The following RANBP2 variants were observed in gnomAD, a reference collection of about 807,000 sequenced individuals.
The protein encoded by RANBP2 is RAN binding protein 2.
Under a neutral mutation model 303.6 loss-of-function variants are expected in RANBP2, and 57 were observed. The observed-to-expected ratio is 0.19, with a 90% CI of 0.15 to 0.23. The LOEUF (loss-of-function observed/expected upper bound fraction) is 0.23, where lower values mean the gene tolerates loss of function less well. Ranked by LOEUF, RANBP2 falls within the 10% of genes least tolerant of loss-of-function variation. The pLI is 1.00. For missense variants in RANBP2, 3,138 were observed against 3,780.8 expected (o/e 0.83, Z 4.46); for synonymous variants, 1,167 against 1,301.5 (o/e 0.90, Z 2.23).
chr2:109,224,522 G>A, the RANBP2 span, among the ~76,000 whole-genome samples: 3 of 152,174 alleles, frequency 2.0e-5, no homozygotes, highest in Admixed American at 6.5e-5. Context: ...GGTGACTACT[G>A]AGCTCATGAA....
the RANBP2 span, chr2:109,616,159 A>G: frequency 7.1e-7 from 1 of 1,402,834 alleles, no homozygotes; most frequent in Non-Finnish European, 9.3e-7. Context: ...AGGACAAGCT[A>G]AATTATGCAT....
At chr2:109,161,102 A>G in the RANBP2 span, among the ~76,000 whole-genome samples, 32 of 152,200 alleles carry the variant, frequency 2.1e-4, no homozygotes, top group Non-Finnish European at 3.7e-4. Context: ...CATTTAGAAG[A>G]GAAGCCGTTT....
the RANBP2 span, among the ~76,000 whole-genome samples, chr2:109,107,617 TC>T: frequency 6.6e-6 from 1 of 152,192 alleles, no homozygotes; most frequent in African/African-American, 2.4e-5. Context: ...GAAGCCATGG[TC>T]CTAATGGCTC....
At chr2:108,824,406 C>A in the RANBP2 span, among the ~76,000 whole-genome samples, 1 of 152,028 alleles carries the variant, frequency 6.6e-6, no homozygotes, top group Non-Finnish European at 1.5e-5. Context: ...AACTAAGACA[C>A]AAACGCACAT....
the RANBP2 span, among the ~76,000 whole-genome samples, chr2:108,814,798 G>T: frequency 6.6e-6 from 1 of 151,546 alleles, no homozygotes; most frequent in Non-Finnish European, 1.5e-5. Flanking sequence ...ACCACGCCTG[G>T]CTAATTTTTA....
At chr2:108,839,361 C>G in the RANBP2 span, 1 of 1,351,364 alleles carries the variant, frequency 7.4e-7, no homozygotes, top group Non-Finnish European at 1.0e-6. Flanking sequence ...ACTTCTTGAT[C>G]TTGTTTCACA....
chr2:109,125,256 T>A, the RANBP2 span, among the ~76,000 whole-genome samples: 1 of 152,180 alleles, frequency 6.6e-6, no homozygotes. Context: ...GAGGGGCAGC[T>A]TTTGACTAGC....
the RANBP2 span, among the ~76,000 whole-genome samples, chr2:108,828,816 A>G: frequency 1.3e-5 from 2 of 152,076 alleles, no homozygotes; most frequent in Middle Eastern, 3.2e-3. Flanking sequence ...ATCTGTACTA[A>G]AAATACCAAA....
At chr2:109,107,299 A>G in the RANBP2 span, among the ~76,000 whole-genome samples, 4 of 151,472 alleles carry the variant, frequency 2.6e-5, no homozygotes, top group Non-Finnish European at 5.9e-5. Context: ...GAAGAGTATG[A>G]CCCACACGCT....
the RANBP2 span, chr2:109,251,794 AC>A: frequency 1.9e-6 from 1 of 513,634 alleles, no homozygotes. Flanking sequence ...ATTAGATAAT[AC>A]TAAAAAATAC....
At chr2:109,324,918 C>A in the RANBP2 span, among the ~76,000 whole-genome samples, 1 of 152,226 alleles carries the variant, frequency 6.6e-6, no homozygotes, top group African/African-American at 2.4e-5. Flanking sequence ...CCCAAACCCT[C>A]TCCTCTTGCC....
chr2:109,464,454 A>G, the RANBP2 span, among the ~76,000 whole-genome samples: 4 of 152,024 alleles, frequency 2.6e-5, no homozygotes, highest in South Asian at 4.1e-4. Flanking sequence ...CATATAAAAT[A>G]CATGTGCACA....
At chr2:109,123,350 C>G in the RANBP2 span, among the ~76,000 whole-genome samples, 3 of 150,996 alleles carry the variant, frequency 2.0e-5, no homozygotes, top group Non-Finnish European at 4.4e-5. Flanking sequence ...TTCCTTCCTT[C>G]CTTCCTTCCT....
the RANBP2 span, among the ~76,000 whole-genome samples, chr2:109,450,322 G>A: frequency 6.6e-6 from 1 of 151,476 alleles, no homozygotes; most frequent in Non-Finnish European, 1.5e-5. Context: ...CTCCAGCCTG[G>A]GCAACAGAGC....
chr2:109,005,567 G>A, the RANBP2 span, among the ~76,000 whole-genome samples: 1 of 152,212 alleles, frequency 6.6e-6, no homozygotes, highest in Non-Finnish European at 1.5e-5. Flanking sequence ...GTCGCAGTGT[G>A]CAACACTCTC....
At chr2:109,577,305 T>C in the RANBP2 span, among the ~76,000 whole-genome samples, 2 of 152,206 alleles carry the variant, frequency 1.3e-5, no homozygotes, top group African/African-American at 2.4e-5. Context: ...AGTTAAAAAA[T>C]AGAGAACTCG....
chr2:109,676,923 C>A, the RANBP2 span, among the ~76,000 whole-genome samples: 1 of 152,134 alleles, frequency 6.6e-6, no homozygotes, highest in African/African-American at 2.4e-5. Context: ...ACAAAGCCAT[C>A]CTGGTGTGAG....
chr2:108,760,930 G>A (rs550556317), intron 18 of RANBP2, among the ~76,000 whole-genome samples: 3 of 151,934 alleles, frequency 2.0e-5, no homozygotes, highest in Middle Eastern at 3.4e-3. Flanking sequence ...ATCATTTTGC[G>A]GATTTTTCAA....
the RANBP2 span, chr2:109,129,455 A>G: frequency 6.7e-7 from 1 of 1,494,396 alleles, no homozygotes; most frequent in Non-Finnish European, 8.9e-7. Context: ...CCGGCTCCCC[A>G]GTCCTGATGC....
Sources: gnomAD v4.1 joint callset for allele counts (sites outside exome capture counted in the v4.1 genomes callset) on GRCh38, gnomAD v4.1.1 for gene constraint, MANE v1.5 for transcripts, NCBI Gene and HGNC (gene_info 2026-07-23, HGNC 2026-07-21) for gene names.